The following DGKH variants were observed in gnomAD, a reference collection of about 807,000 sequenced individuals.
DGKH encodes DAG kinase eta.
In DGKH, 90 loss-of-function variants were observed where a neutral mutation model predicts 159.3. That is an observed-to-expected ratio of 0.57 (90% CI 0.48 to 0.67). The LOEUF (loss-of-function observed/expected upper bound fraction) is 0.67, where lower values mean the gene tolerates loss of function less well. Ranked by LOEUF, DGKH falls within the 30% of genes least tolerant of loss-of-function variation. DGKH has a pLI of 0.00. For synonymous variants in DGKH, 536 were observed against 553.8 expected (o/e 0.97, Z 0.45); for missense variants, 1,181 against 1,506.1 (o/e 0.78, Z 3.57).
chr13:42,190,064 A>G (rs2138111128), intron 15 of DGKH, among the ~76,000 whole-genome samples: 1 of 152,342 alleles, frequency 6.6e-6, no homozygotes, highest in South Asian at 2.1e-4. Context: ...GTGTATATTA[A>G]TACTTCTCAG....
Position 42,178,999 on chromosome 13 carries a change from C to T in DGKH, c.1538+779C>T, listed in dbSNP as rs553753572. ...TATACAAATTTTGGTATATTATGTA[C>T]TTAATTCACAGTAAAGTTGAGGAAA... On this transcript the variant is annotated intron_variant, in intron 13 of 29. Transcript: ENST00000337343. 2.6e-5 allele frequency among the ~76,000 whole-genome samples: 4 copies of T among 152,258 alleles called. No individual in the cohort carries two copies. The East Asian group carries it at 7.7e-4, about 29-fold the overall frequency.
At chr13:42,181,234 G>T (rs548665189) in intron 13 of DGKH, among the ~76,000 whole-genome samples, 3 of 130,838 alleles carry the variant, frequency 2.3e-5, no homozygotes, top group African/African-American at 8.2e-5. Flanking sequence ...CGGAGATTGC[G>T]CCACTGCACT....
At chr13:42,112,353 C>T (rs1954879876) in intron 1 of DGKH, among the ~76,000 whole-genome samples, 2 of 137,870 alleles carry the variant, frequency 1.5e-5, no homozygotes, top group Admixed American at 1.5e-4. Flanking sequence ...GCAATCATAG[C>T]TCACTGCAGC....
intron 1 of DGKH, among the ~76,000 whole-genome samples, chr13:42,052,782 A>G (rs1881418091): frequency 1.3e-5 from 2 of 152,242 alleles, no homozygotes; most frequent in Non-Finnish European, 2.9e-5. Context: ...CTTACAGCCT[A>G]GGATTGTTCA....
At chr13:42,224,532 G>C (rs2138264090) in intron 29 of DGKH, among the ~76,000 whole-genome samples, 1 of 152,274 alleles carries the variant, frequency 6.6e-6, no homozygotes, top group East Asian at 1.9e-4. Flanking sequence ...GTTGCAACCA[G>C]AGTGTTATTT....
chr13:42,062,508 C>T (rs117041813), intron 1 of DGKH, among the ~76,000 whole-genome samples: 1,647 of 152,164 alleles, frequency 0.011, 16 homozygotes, highest in Admixed American at 0.02. Context: ...GTCGTATTAC[C>T]AGCGGGAAAA....
intron 24 of DGKH, among the ~76,000 whole-genome samples, chr13:42,212,352 G>C (rs1957677299): frequency 6.6e-6 from 1 of 152,190 alleles, no homozygotes; most frequent in Non-Finnish European, 1.5e-5. Flanking sequence ...AGAAAGGGAA[G>C]AGAAAATGAA....
At chr13:42,074,775 A>G (rs1954062144) in intron 1 of DGKH, among the ~76,000 whole-genome samples, 1 of 152,124 alleles carries the variant, frequency 6.6e-6, no homozygotes. Flanking sequence ...TCTACATTTT[A>G]GCTGTTCACT....
chr13:42,167,398 G>C (rs1465940233), intron 9 of DGKH, among the ~76,000 whole-genome samples: 1 of 152,186 alleles, frequency 6.6e-6, no homozygotes, highest in African/African-American at 2.4e-5. Flanking sequence ...AGTAGAAGTG[G>C]GGATTTTTGA....
chr13:42,173,494 A>ACATT (rs1435893875), intron 11 of DGKH, among the ~76,000 whole-genome samples: 1 of 152,218 alleles, frequency 6.6e-6, no homozygotes, highest in East Asian at 1.9e-4. Flanking sequence ...TCTCATGCTT[A>ACATT]CATTCATTAT....
intron 7 of DGKH, 78 bp from the exon 8 acceptor site, chr13:42,165,253 T>C: frequency 1.5e-6 from 1 of 680,536 alleles, no homozygotes; most frequent in South Asian, 3.4e-5. Flanking sequence ...GATTCTAGAT[T>C]ATCAGTTCCT....
In DGKH at chr13:42,108,345, T is replaced by C. The variant is rs748523731; in HGVS notation, c.193-19118T>C. ...TTTAAGGGTGAGGGAAAATAAAAGA[T>C]AGGTTGGGAGTTCTGGGGTTCCTAA... On this transcript the variant is annotated intron_variant, in intron 1 of 29. Coordinates refer to ENST00000337343, the MANE Select transcript of DGKH (RefSeq NM_178009.5). 3.2e-4 allele frequency among the ~76,000 whole-genome samples: 49 copies of C among 152,132 alleles called. No homozygotes were observed. The Middle Eastern group carries it at 0.01, about 32-fold the overall frequency.
intron 17 of DGKH, among the ~76,000 whole-genome samples, chr13:42,197,830 T>G (rs958204954): frequency 2.0e-5 from 3 of 152,226 alleles, no homozygotes; most frequent in Non-Finnish European, 4.4e-5. Flanking sequence ...AGCTTTCATA[T>G]TGGGTTGAGT....
chr13:42,148,842 A>T (rs1456338653), intron 3 of DGKH, among the ~76,000 whole-genome samples: 1 of 151,806 alleles, frequency 6.6e-6, no homozygotes, highest in Admixed American at 6.6e-5. Context: ...CTTGGCTTAC[A>T]GTATCCATGC....
At chr13:42,112,346 A>G (rs1253228216) in intron 1 of DGKH, among the ~76,000 whole-genome samples, 1 of 140,566 alleles carries the variant, frequency 7.1e-6, no homozygotes, top group African/African-American at 2.8e-5. Context: ...CAGTGGTGCA[A>G]TCATAGCTCA....
intron 21 of DGKH, among the ~76,000 whole-genome samples, chr13:42,208,283 AAGAG>A (rs1957555704): frequency 1.3e-5 from 2 of 152,260 alleles, no homozygotes. Context: ...GATATAGTAA[AAGAG>A]AGAGTAAGGT....
chr13:42,255,069 C>CT (rs1958648251), intron 30 of DGKH, among the ~76,000 whole-genome samples: 1 of 150,594 alleles, frequency 6.6e-6, no homozygotes, highest in Non-Finnish European at 1.5e-5. Flanking sequence ...TTTCTTTTAG[C>CT]TTTTTTACTG....
At chr13:42,219,608 G>A in intron 27 of DGKH, 78 bp from the exon 28 acceptor site, 2 of 1,373,060 alleles carry the variant, frequency 1.5e-6, no homozygotes, top group South Asian at 2.6e-5. Context: ...ACTTATTCCT[G>A]TGTTATCCCT....
At chr13:42,118,502 A>G (rs1378471267) in intron 1 of DGKH, among the ~76,000 whole-genome samples, 1 of 152,210 alleles carries the variant, frequency 6.6e-6, no homozygotes, top group Non-Finnish European at 1.5e-5. Context: ...ACCTGGTGGG[A>G]CCATAAATAT....
Sources: allele counts gnomAD v4.1 joint callset (sites outside exome capture counted in the v4.1 genomes callset), GRCh38; gene constraint gnomAD v4.1.1; transcripts MANE v1.5; gene names NCBI Gene and HGNC (gene_info 2026-07-23, HGNC 2026-07-21).